LRP1B: variants seen among roughly 807,000 people sequenced by gnomAD.
LRP1B encodes low-density lipoprotein receptor-related protein 1B.
A neutral mutation model predicts 556.6 loss-of-function variants in LRP1B; 217 were observed. The ratio of observed to expected loss-of-function variants is 0.39; its 90% CI spans 0.35 to 0.44. The LOEUF (loss-of-function observed/expected upper bound fraction) is 0.44, where lower values mean the gene tolerates loss of function less well. Ranked by LOEUF, LRP1B falls within the 20% of genes least tolerant of loss-of-function variation. LRP1B has a pLI of 1.00. For missense variants in LRP1B, 5,053 were observed against 5,620.8 expected (o/e 0.90, Z 3.23); for synonymous variants, 2,047 against 1,865.8 (o/e 1.10, Z -2.50).
At chr2:142,032,018 C>T (rs1703728840) in intron 1 of LRP1B, among the ~76,000 whole-genome samples, 2 of 151,836 alleles carry the variant, frequency 1.3e-5, no homozygotes, top group South Asian at 2.1e-4. Context: ...TTCCCTAGCC[C>T]CTTCTGAGGG....
chr2:140,972,774 G>C (rs1315794102), intron 18 of LRP1B, among the ~76,000 whole-genome samples: 1 of 151,636 alleles, frequency 6.6e-6, no homozygotes, highest in Non-Finnish European at 1.5e-5. Flanking sequence ...GAAACTGAGA[G>C]AAAATTTGGA....
At chr2:141,612,891 C>T (rs370823846) in intron 2 of LRP1B, among the ~76,000 whole-genome samples, 25 of 152,160 alleles carry the variant, frequency 1.6e-4, no homozygotes, top group East Asian at 1.5e-3. Flanking sequence ...CAAGCTCTCC[C>T]TCCCTGGTTC....
At chr2:140,950,580 G>T (rs1056622332) in intron 19 of LRP1B, among the ~76,000 whole-genome samples, 178 bp from the exon 20 acceptor site, 3 of 152,060 alleles carry the variant, frequency 2.0e-5, no homozygotes, top group Non-Finnish European at 4.4e-5. Context: ...ACCTCCTGGG[G>T]CTCAAATGAT....
chr2:140,682,139 GTTAT>G (rs1443325544), intron 41 of LRP1B, among the ~76,000 whole-genome samples: 1 of 152,084 alleles, frequency 6.6e-6, no homozygotes, highest in Admixed American at 6.6e-5. Flanking sequence ...CATCCTTATG[GTTAT>G]TTGTCAGAGC....
chr2:140,323,231 T>A (rs551000113), intron 81 of LRP1B, among the ~76,000 whole-genome samples: 1 of 152,122 alleles, frequency 6.6e-6, no homozygotes, highest in South Asian at 2.1e-4. Flanking sequence ...TTGTTCACTG[T>A]TTTTGATAGC....
At chr2:141,479,108 G>C (rs1239712674) in intron 3 of LRP1B, among the ~76,000 whole-genome samples, 3 of 152,132 alleles carry the variant, frequency 2.0e-5, no homozygotes, top group African/African-American at 7.2e-5. Flanking sequence ...AGAGGGAAAA[G>C]ACCTAGTGAC....
At chr2:141,289,474 C>G (rs1397113280) in intron 3 of LRP1B, among the ~76,000 whole-genome samples, 1 of 149,486 alleles carries the variant, frequency 6.7e-6, no homozygotes, top group Non-Finnish European at 1.5e-5. Context: ...CAAAATGGTA[C>G]TGGAATATAT....
At chr2:141,479,394 C>A (rs1170180586) in intron 3 of LRP1B, among the ~76,000 whole-genome samples, 3 of 152,118 alleles carry the variant, frequency 2.0e-5, no homozygotes, top group Non-Finnish European at 4.4e-5. Context: ...TCCCGAACAA[C>A]TGGAATTTCT....
chr2:141,850,839 G>T (rs1017393840), intron 1 of LRP1B, among the ~76,000 whole-genome samples: 32 of 151,616 alleles, frequency 2.1e-4, no homozygotes, highest in Non-Finnish European at 3.0e-5. Context: ...CTTATTTGAT[G>T]AGTCTGGAAT....
At chr2:140,530,173 T>G (rs1690626305) in intron 47 of LRP1B, among the ~76,000 whole-genome samples, 1 of 152,090 alleles carries the variant, frequency 6.6e-6, no homozygotes, top group Non-Finnish European at 1.5e-5. Flanking sequence ...TCTATCAAAA[T>G]CTCCCTGTAT....
intron 7 of LRP1B, among the ~76,000 whole-genome samples, chr2:141,126,479 C>T (rs1011694571): frequency 2.6e-5 from 4 of 152,174 alleles, no homozygotes; most frequent in Non-Finnish European, 5.9e-5. Context: ...ATTTCAGGTC[C>T]TCTAAGGACA....
chr2:141,712,167 C>T (rs529310309), intron 2 of LRP1B, among the ~76,000 whole-genome samples: 21 of 152,088 alleles, frequency 1.4e-4, no homozygotes, highest in African/African-American at 5.1e-4. Context: ...ATTAACTTTC[C>T]CAATTTGGGA....
intron 43 of LRP1B, among the ~76,000 whole-genome samples, chr2:140,572,279 C>G (rs1009726654): frequency 6.6e-6 from 1 of 150,780 alleles, no homozygotes; most frequent in Non-Finnish European, 1.5e-5. Flanking sequence ...CATAAGGAAC[C>G]TAAAAAGCTC....
intron 62 of LRP1B, among the ~76,000 whole-genome samples, chr2:140,451,527 G>A (rs1686885699): frequency 6.6e-6 from 1 of 152,164 alleles, no homozygotes; most frequent in East Asian, 1.9e-4. Context: ...AGGATCTGAA[G>A]ATAATCTGCA....
At chr2:141,837,981 A>T (rs550921672) in intron 1 of LRP1B, among the ~76,000 whole-genome samples, 8 of 152,272 alleles carry the variant, frequency 5.3e-5, no homozygotes, top group African/African-American at 1.7e-4. Context: ...TAGAACAGAG[A>T]GTATACACTA....
chr2:141,182,726 C>G (rs746456667), intron 7 of LRP1B, among the ~76,000 whole-genome samples: 8 of 151,728 alleles, frequency 5.3e-5, no homozygotes, highest in Admixed American at 2.6e-4. Context: ...GATATCTTTC[C>G]TTGAACAATG....
At chr2:140,970,036 A>G (rs3921277) in intron 18 of LRP1B, among the ~76,000 whole-genome samples, 128,736 of 152,008 alleles carry the variant, frequency 0.85, 55,059 homozygotes, top group Non-Finnish European at 0.9. Context: ...TCTTTGGGGC[A>G]TTCTCTGTAT....
chr2:141,444,752 C>T (rs1198621816), intron 3 of LRP1B, among the ~76,000 whole-genome samples: 1 of 152,108 alleles, frequency 6.6e-6, no homozygotes, highest in Non-Finnish European at 1.5e-5. Flanking sequence ...CATGTTAAAC[C>T]AACCTTGCAT....
At chr2:140,832,735 G>C (rs962512630) in intron 31 of LRP1B, among the ~76,000 whole-genome samples, 2 of 152,098 alleles carry the variant, frequency 1.3e-5, no homozygotes, top group African/African-American at 4.8e-5. Context: ...GCAAGAGGCT[G>C]GAGAAGGAAC....
Sources: allele counts gnomAD v4.1 joint callset (sites outside exome capture counted in the v4.1 genomes callset), GRCh38; gene constraint gnomAD v4.1.1; transcripts MANE v1.5; gene names NCBI Gene and HGNC (gene_info 2026-07-23, HGNC 2026-07-21).